The following NMNAT2 variants were observed in gnomAD, a reference collection of about 807,000 sequenced individuals.
NMNAT2 encodes nicotinamide nucleotide adenylyltransferase 2, also known as nicotinamide/nicotinic acid mononucleotide adenylyltransferase 2.
Under a neutral mutation model 41.6 loss-of-function variants are expected in NMNAT2, and 11 were observed. The ratio of observed to expected loss-of-function variants is 0.26; its 90% CI spans 0.17 to 0.44. NMNAT2 has a LOEUF of 0.44. Ranked by LOEUF, NMNAT2 falls within the 20% of genes least tolerant of loss-of-function variation. The pLI, the probability that NMNAT2 is intolerant of heterozygous loss-of-function variation, is 1.00. For missense variants in NMNAT2, 288 were observed against 407.7 expected, an observed-to-expected ratio of 0.71 and a Z score of 2.53; for synonymous variants, 148 against 151.2, an observed-to-expected ratio of 0.98 and a Z score of 0.16.
intron 1 of NMNAT2, among the ~76,000 whole-genome samples, chr1:183,391,170 T>TGC (rs1259517139): frequency 2.6e-5 from 4 of 152,132 alleles, no homozygotes; most frequent in Non-Finnish European, 5.9e-5. Flanking sequence ...CTGCTTCTTC[T>TGC]CTCTTCAAAT....
At chr1:183,270,867 A>G (rs1660968270) in intron 8 of NMNAT2, among the ~76,000 whole-genome samples, 1 of 152,138 alleles carries the variant, frequency 6.6e-6, no homozygotes, top group Non-Finnish European at 1.5e-5. Context: ...CTGAATAGCC[A>G]AAGTTTGTCT....
chr1:183,301,545 C>T (rs181395918), intron 1 of NMNAT2, among the ~76,000 whole-genome samples: 5 of 152,326 alleles, frequency 3.3e-5, no homozygotes, highest in South Asian at 2.1e-4. Context: ...AAGTCAGACC[C>T]GCTCTGCATT....
At chr1:183,413,839 C>T (rs552525633) in intron 1 of NMNAT2, among the ~76,000 whole-genome samples, 1 of 152,078 alleles carries the variant, frequency 6.6e-6, no homozygotes, top group African/African-American at 2.4e-5. Flanking sequence ...GATCTCCTGA[C>T]CTCGTGATCC....
chr1:183,337,074 T>G (rs1375588871), intron 1 of NMNAT2, among the ~76,000 whole-genome samples: 1 of 152,152 alleles, frequency 6.6e-6, no homozygotes, highest in Non-Finnish European at 1.5e-5. Context: ...GGGAAATCTT[T>G]CTGGGGTGAT....
intron 1 of NMNAT2, among the ~76,000 whole-genome samples, chr1:183,365,172 A>G (rs1033683166): frequency 7.2e-5 from 11 of 152,296 alleles, no homozygotes; most frequent in South Asian, 6.2e-4. Flanking sequence ...TAAAAGTGGC[A>G]GGAAAAGTGG....
intron 1 of NMNAT2, among the ~76,000 whole-genome samples, chr1:183,310,345 A>G (rs1360489449): frequency 6.6e-6 from 1 of 152,178 alleles, no homozygotes; most frequent in East Asian, 1.9e-4. Flanking sequence ...ACATCATTCT[A>G]ATGCTTTAGA....
Position 183,371,347 on chromosome 1 carries a change from G to A in NMNAT2, c.85+46836C>T, listed in dbSNP as rs544130441. On this transcript the variant is annotated intron_variant, in intron 1 of 10. Coordinates refer to ENST00000287713, the MANE Select transcript of NMNAT2 (RefSeq NM_015039.4). The stretch of plus-strand genomic sequence containing the variant: ...AAGGATGGGCAGGCAGAGCACAGAG[G>A]ATGGTTAGGGCAACGCAACTACTCT... 2.0e-5 allele frequency among the ~76,000 whole-genome samples: 3 copies of A among 152,196 alleles called. No homozygotes were observed. In the South Asian group the frequency reaches 6.2e-4, roughly 31 times the overall value.
chr1:183,298,853 T>C (rs963332165), intron 1 of NMNAT2, among the ~76,000 whole-genome samples: 2 of 152,236 alleles, frequency 1.3e-5, no homozygotes, highest in Non-Finnish European at 2.9e-5. Context: ...CCCAAAATGA[T>C]ATGAAATTTA....
chr1:183,417,604 C>A (rs76675211), intron 1 of NMNAT2, among the ~76,000 whole-genome samples: 1 of 152,190 alleles, frequency 6.6e-6, no homozygotes, highest in Non-Finnish European at 1.5e-5. Flanking sequence ...GGGCAATACA[C>A]GGCCCACAAT....
chr1:183,317,622 A>C lies in NMNAT2; in HGVS notation c.86-23829T>G, dbSNP rs1214980241. 2.6e-5 allele frequency among the ~76,000 whole-genome samples: 4 copies of C among 152,148 alleles called. No homozygotes were observed. In the East Asian group the frequency reaches 7.7e-4, roughly 29 times the overall value. On this transcript the variant is annotated intron_variant, in intron 1 of 10. Coordinates refer to ENST00000287713, the MANE Select transcript of NMNAT2 (RefSeq NM_015039.4). ...TCTTACCCACTCCCTCATCACCTAC[A>C]ATCAAGTCACCTCTTGCCAGTCTTT... is the stretch of plus-strand genomic sequence containing the variant.
In NMNAT2 at chr1:183,252,421, C is replaced by T; in HGVS notation, c.*220G>A. On this transcript the variant is annotated 3_prime_UTR_variant, in exon 11 of 11. Transcript: ENST00000287713. ...TCCCCCGACTCCCACCCCATTCCCTCACCCACCCCCAACCCGGAGACTAGA... is the reference window on the plus strand; with the variant it reads ...TCCCCCGACTCCCACCCCATTCCCTTACCCACCCCCAACCCGGAGACTAGA... 1 of 411,152 alleles carries T rather than the reference C, an allele frequency of 2.4e-6. No individual in the cohort carries two copies. The highest frequency in any genetic ancestry group is 2.1e-5 in the South Asian group (1 of 46,724). The allele number at this position is 411,152 out of a possible 1,614,324, so 25.5% of individuals were successfully genotyped here.
intron 1 of NMNAT2, among the ~76,000 whole-genome samples, chr1:183,379,091 TAA>T (rs1557894335): frequency 7.2e-5 from 8 of 111,536 alleles, no homozygotes; most frequent in African/African-American, 1.9e-4. Flanking sequence ...TCTATATCTA[TAA>T]TCTATAATCT....
intron 1 of NMNAT2, among the ~76,000 whole-genome samples, chr1:183,389,897 GGGAA>G (rs775036035): frequency 4.5e-5 from 6 of 132,532 alleles, no homozygotes; most frequent in African/African-American, 1.7e-4. Context: ...GAGGGAGGGA[GGGAA>G]GGAAGGAAGG....
At position 183,284,782 on chromosome 1, in the gene NMNAT2, A is replaced by G; in HGVS notation, c.457T>C (p.Leu153=). 6.2e-7 allele frequency: 1 copy of G among 1,614,096 alleles called. No homozygotes were observed. The highest frequency in any genetic ancestry group is 8.5e-7 in the Non-Finnish European group (1 of 1,179,950). ...CTGAGGCTTTCTCCCACCTTCCCCA[A>G]GATCTTGGCTATGGGAGAGAGCAAG... ...VATKPTAAKI[L]GKVGESLSRI... The change falls in exon 6 of 11, where the codon TTG becomes CTG. Residue 153 remains leucine, a synonymous_variant. Transcript: ENST00000287713.
At chr1:183,416,319 T>C (rs1196580983) in intron 1 of NMNAT2, among the ~76,000 whole-genome samples, 1 of 152,204 alleles carries the variant, frequency 6.6e-6, no homozygotes, top group African/African-American at 2.4e-5. Context: ...CAGAGTTTCA[T>C]CCCCAGCCCA....
intron 1 of NMNAT2, among the ~76,000 whole-genome samples, chr1:183,416,271 A>C (rs1649248952): frequency 6.6e-6 from 1 of 152,236 alleles, no homozygotes; most frequent in Non-Finnish European, 1.5e-5. Context: ...GGAAGAAAGG[A>C]GCAGTACCTG....
chr1:183,263,058 T>G (rs1481271233), intron 8 of NMNAT2, among the ~76,000 whole-genome samples: 3 of 152,208 alleles, frequency 2.0e-5, no homozygotes, highest in African/African-American at 4.8e-5. Flanking sequence ...GTGTGTGTGT[T>G]TGTGTGTGCA....
intron 1 of NMNAT2, among the ~76,000 whole-genome samples, chr1:183,400,305 C>A (rs1648772797): frequency 6.6e-6 from 1 of 152,160 alleles, no homozygotes; most frequent in African/African-American, 2.4e-5. Flanking sequence ...AGTGAACTCC[C>A]ATTCACAATT....
At chr1:183,355,370 A>T (rs1040035051) in intron 1 of NMNAT2, among the ~76,000 whole-genome samples, 5 of 152,200 alleles carry the variant, frequency 3.3e-5, no homozygotes, top group Non-Finnish European at 5.9e-5. Flanking sequence ...AGCACCTAGA[A>T]GCTCCTTAGG....
Sources: gnomAD v4.1 joint callset for allele counts (sites outside exome capture counted in the v4.1 genomes callset) on GRCh38, gnomAD v4.1.1 for gene constraint, MANE v1.5 for transcripts, NCBI Gene and HGNC (gene_info 2026-07-23, HGNC 2026-07-21) for gene names.